The following RSRC1 variants were observed in gnomAD, a reference collection of about 807,000 sequenced individuals.
The protein encoded by RSRC1 is serine/Arginine-related protein 53.
Under a neutral mutation model 49.1 loss-of-function variants are expected in RSRC1, and 39 were observed. The observed-to-expected ratio is 0.79, with a 90% CI of 0.61 to 1.04. The LOEUF is 1.04. RSRC1 is among the 50% of genes least tolerant of loss of function. RSRC1 has a pLI of 0.00. For synonymous variants in RSRC1, 143 were observed against 130.8 expected (o/e 1.09, Z -0.63); for missense variants, 388 against 402.4 (o/e 0.96, Z 0.31).
chr3:158,194,461 C>G (rs1720431709), intron 3 of RSRC1, among the ~76,000 whole-genome samples: 2 of 146,574 alleles, frequency 1.4e-5, no homozygotes. Context: ...TTCTTTTGTG[C>G]TGGACGAGGA....
chr3:158,235,911 T>G (rs1723215199), intron 4 of RSRC1, among the ~76,000 whole-genome samples: 1 of 151,386 alleles, frequency 6.6e-6, no homozygotes, highest in South Asian at 2.1e-4. Flanking sequence ...AGGTCAGGAG[T>G]TTGAGACCAG....
chr3:158,162,983 T>C (rs943991482), intron 3 of RSRC1, among the ~76,000 whole-genome samples: 5 of 152,138 alleles, frequency 3.3e-5, no homozygotes, highest in Admixed American at 6.5e-5. Flanking sequence ...TTGCTCTCCT[T>C]TCCCTTTCCT....
chr3:158,519,408 C>T (rs1328082816), intron 7 of RSRC1, among the ~76,000 whole-genome samples: 1 of 151,748 alleles, frequency 6.6e-6, no homozygotes, highest in African/African-American at 2.4e-5. Flanking sequence ...GTGGCTAGTT[C>T]AGACTGAGTG....
At chr3:158,352,738 G>A (rs139578941) in intron 5 of RSRC1, among the ~76,000 whole-genome samples, 4 of 152,232 alleles carry the variant, frequency 2.6e-5, no homozygotes, top group African/African-American at 7.2e-5. Flanking sequence ...CTGGGCTTGC[G>A]TTTCTGCATG....
chr3:158,323,906 T>C (rs1728909094), intron 5 of RSRC1, among the ~76,000 whole-genome samples: 1 of 151,864 alleles, frequency 6.6e-6, no homozygotes, highest in East Asian at 1.9e-4. Context: ...TTCCTTCACA[T>C]CTTTATTCTG....
chr3:158,543,679 T>C (rs1713166020), intron 9 of RSRC1, 192 bp downstream of exon 9: 1 of 485,796 alleles, frequency 2.1e-6, no homozygotes, highest in East Asian at 3.4e-5. Flanking sequence ...AGGGTCCAAC[T>C]CATGTTGCCT....
chr3:158,272,683 G>A (rs1249732262), intron 4 of RSRC1, among the ~76,000 whole-genome samples: 1 of 151,896 alleles, frequency 6.6e-6, no homozygotes, highest in African/African-American at 2.4e-5. Context: ...GAAAATAGTT[G>A]CAAAACAGAA....
intron 3 of RSRC1, among the ~76,000 whole-genome samples, chr3:158,171,630 G>C (rs1398229754): frequency 6.6e-6 from 1 of 152,094 alleles, no homozygotes. Flanking sequence ...TCACACTGGA[G>C]ATGACAAAGG....
At chr3:158,195,705 T>C (rs937552895) in intron 3 of RSRC1, among the ~76,000 whole-genome samples, 1 of 152,214 alleles carries the variant, frequency 6.6e-6, no homozygotes, top group African/African-American at 2.4e-5. Context: ...CAGTTTCAGC[T>C]TTCTACATAT....
At chr3:158,416,886 A>G (rs890505170) in intron 6 of RSRC1, among the ~76,000 whole-genome samples, 8 of 152,066 alleles carry the variant, frequency 5.3e-5, no homozygotes, top group African/African-American at 1.9e-4. Flanking sequence ...CATAGGAATA[A>G]CACTTTAGAA....
intron 3 of RSRC1, among the ~76,000 whole-genome samples, chr3:158,139,720 G>A (rs937453372): frequency 2.7e-5 from 4 of 147,420 alleles, no homozygotes; most frequent in Admixed American, 1.4e-4. Flanking sequence ...TGCAACCTCC[G>A]CCTCCCAGGC....
chr3:158,386,075 T>C (rs1442766336), intron 6 of RSRC1, among the ~76,000 whole-genome samples: 2 of 152,132 alleles, frequency 1.3e-5, no homozygotes, highest in African/African-American at 2.4e-5. Flanking sequence ...AATGCGTTTA[T>C]GTCCCATTAG....
intron 7 of RSRC1, among the ~76,000 whole-genome samples, chr3:158,527,933 A>G (rs1000073151): frequency 2.6e-5 from 4 of 151,954 alleles, no homozygotes; most frequent in East Asian, 1.9e-4. Flanking sequence ...CTGAACTTCA[A>G]TATGAATTTG....
At chr3:158,215,058 G>T (rs748901614) in intron 4 of RSRC1, among the ~76,000 whole-genome samples, 14 of 151,356 alleles carry the variant, frequency 9.2e-5, no homozygotes, top group Non-Finnish European at 1.5e-4. Flanking sequence ...ATTTTTTAGC[G>T]CTTTTGTTTG....
chr3:158,122,263 A>G lies in RSRC1; in HGVS notation c.159A>G (p.Arg53=). The change falls in exon 2 of 10, where the codon AGA becomes AGG. Residue 53 remains arginine, a synonymous_variant. Coordinates refer to ENST00000611884, the MANE Select transcript of RSRC1 (RefSeq NM_001271838.2). The stretch of plus-strand genomic sequence containing the variant: ...GATCAAAGTCAAGATCTTGGTCCAG[A>G]GATCTTCAGCCTCGTTCACATTCTT... ...KSRSKSRSWS[R]DLQPRSHSYD... is the part of the protein sequence containing the mutation. 6.3e-7 allele frequency: 1 copy of G among 1,599,386 alleles called. No individual in the cohort carries two copies. Among genetic ancestry groups the G allele is most frequent in the African/African-American group, 1.4e-5 (1 of 73,984 alleles).
chr3:158,147,494 T>C (rs1452350312), intron 3 of RSRC1, among the ~76,000 whole-genome samples: 1 of 148,228 alleles, frequency 6.7e-6, no homozygotes, highest in Non-Finnish European at 1.5e-5. Flanking sequence ...AAATCTATGT[T>C]CCATATCTTT....
rs76306661 is a variant in RSRC1 at position 158,448,580 on chromosome 3, A to G, written c.584-12355A>G. On this transcript the variant is annotated intron_variant, in intron 6 of 9. Coordinates refer to ENST00000611884, the MANE Select transcript of RSRC1 (RefSeq NM_001271838.2). ...TTTCTTCCTTGTCATTAGAATGCTT[A>G]TGGTTCTAGCAGAAAAGTTGGGAAG... is the stretch of plus-strand genomic sequence containing the variant. Among the ~76,000 whole-genome samples, 22 of 152,088 alleles carry G rather than the reference A, an allele frequency of 1.4e-4. 1 individual carries two copies. The East Asian group carries it at 4.3e-3, about 29-fold the overall frequency.
intron 4 of RSRC1, among the ~76,000 whole-genome samples, chr3:158,274,364 G>C (rs1216575621): frequency 1.5e-5 from 2 of 131,178 alleles, no homozygotes; most frequent in Non-Finnish European, 3.2e-5. Context: ...TTTTGCCAAG[G>C]TTAGTCTTTT....
chr3:158,280,970 T>A (rs999202819), intron 4 of RSRC1, among the ~76,000 whole-genome samples: 2 of 152,048 alleles, frequency 1.3e-5, no homozygotes, highest in Non-Finnish European at 2.9e-5. Context: ...TTTTATAAGA[T>A]TAGACTGGCT....
Sources: gnomAD v4.1 joint callset for allele counts (sites outside exome capture counted in the v4.1 genomes callset) on GRCh38, gnomAD v4.1.1 for gene constraint, MANE v1.5 for transcripts, NCBI Gene and HGNC (gene_info 2026-07-23, HGNC 2026-07-21) for gene names.